The following GOLGA3 variants were observed in gnomAD, a reference collection of about 807,000 sequenced individuals.
GOLGA3 encodes the protein golgin subfamily A member 3.
Under a neutral mutation model 169.4 loss-of-function variants are expected in GOLGA3, and 75 were observed. That is an observed-to-expected ratio of 0.44 (90% CI 0.37 to 0.54). The LOEUF is 0.54. Ranked by LOEUF, GOLGA3 falls within the 20% of genes least tolerant of loss-of-function variation. GOLGA3 has a pLI of 0.00. For missense variants in GOLGA3, 1,899 were observed against 1,930.0 expected (o/e 0.98, Z 0.30); for synonymous variants, 824 against 822.4 (o/e 1.00, Z -0.03).
At chr12:132,822,465 T>C (rs573555822) in intron 1 of GOLGA3, among the ~76,000 whole-genome samples, 154 bp from the exon 2 acceptor site, 3 of 152,330 alleles carry the variant, frequency 2.0e-5, no homozygotes, top group African/African-American at 7.2e-5. Context: ...CACAACATCC[T>C]AGGTTTTGAG....
intron 11 of GOLGA3, among the ~76,000 whole-genome samples, chr12:132,794,948 G>C (rs1440741909): frequency 2.0e-5 from 3 of 152,220 alleles, no homozygotes; most frequent in African/African-American, 4.8e-5. Context: ...CAACACTTCG[G>C]GAGGCCGAGG....
At chr12:132,787,615 ACCCCGGG>A (rs1276986614) in intron 13 of GOLGA3, among the ~76,000 whole-genome samples, 13 of 89,068 alleles carry the variant, frequency 1.5e-4, no homozygotes, top group South Asian at 5.2e-4. Context: ...TTCCCCGGAG[ACCCCGGG>A]ACCCCTCCCC....
chr12:132,783,978 G>T, intron 16 of GOLGA3, 186 bp downstream of exon 16: 1 of 1,483,376 alleles, frequency 6.7e-7, no homozygotes, highest in African/African-American at 1.4e-5. Context: ...ATCCTCCCCA[G>T]AGGGCTGGAA....
rs780749139 is a variant in GOLGA3 at position 132,775,198 on chromosome 12, G to T, written c.4086C>A (p.Thr1362=). The T allele has an allele frequency of 1.2e-6, 2 of 1,614,154 alleles. No individual in the cohort carries two copies. Among genetic ancestry groups the T allele is most frequent in the South Asian group, 1.1e-5 (1 of 91,084 alleles). The stretch of plus-strand genomic sequence containing the variant: ...TGAGCTGCTGGTTCTGCTGGAGCAG[G>T]GTCTTCATGTTGTTCTTCAGCTCCG... The part of the protein sequence containing the change: ...KVSELKNNMK[T]LLQQNQQLKL... Residue 1362 remains threonine (T), a synonymous_variant, in exon 22 of 24, where the codon ACC becomes ACA. Coordinates refer to ENST00000450791, the MANE Select transcript of GOLGA3 (RefSeq NM_001389683.1).
At chr12:132,822,646 C>T (rs551135219) in intron 1 of GOLGA3, among the ~76,000 whole-genome samples, 2 of 152,282 alleles carry the variant, frequency 1.3e-5, no homozygotes, top group African/African-American at 2.4e-5. Flanking sequence ...TTGGGCCAGG[C>T]GCGGTGGCTC....
intron 15 of GOLGA3, among the ~76,000 whole-genome samples, chr12:132,786,109 A>C (rs1380968990): frequency 1.3e-5 from 2 of 152,240 alleles, no homozygotes; most frequent in African/African-American, 4.8e-5. Flanking sequence ...GAGGAAAATC[A>C]GGTGAACGCC....
intron 1 of GOLGA3, chr12:132,826,259 G>GAAACT: frequency 2.2e-6 from 2 of 891,696 alleles, no homozygotes; most frequent in Non-Finnish European, 1.6e-6. Flanking sequence ...AAAAAAAAAA[G>GAAACT]AAACTGGAAG....
At chr12:132,815,974 A>AGC (rs1433950493) in intron 3 of GOLGA3, among the ~76,000 whole-genome samples, 3 of 152,258 alleles carry the variant, frequency 2.0e-5, no homozygotes, top group Non-Finnish European at 4.4e-5. Flanking sequence ...CAAGGCAGGC[A>AGC]GACCATGAGG....
In GOLGA3 at chr12:132,775,227, C is replaced by T; in HGVS notation, c.4057G>A (p.Val1353Met). Residue 1353 changes from valine to methionine, a missense_variant, in exon 22 of 24, where the codon GTG (valine) becomes ATG (methionine). Transcript: ENST00000450791. ...TTCATGTTGTTCTTCAGCTCCGACA[C>T]TTTTGCCTGGAGCATAAATTTATCC... ...QKDKFMLQAK[V>M]SELKNNMKTL... 1 of 1,613,970 alleles carries T rather than the reference C, an allele frequency of 6.2e-7. No individual in the cohort carries two copies. The highest frequency in any genetic ancestry group is 8.5e-7 in the Non-Finnish European group (1 of 1,179,772).
chr12:132,790,484 A>G (rs2046169859), intron 12 of GOLGA3, among the ~76,000 whole-genome samples: 1 of 152,258 alleles, frequency 6.6e-6, no homozygotes, highest in African/African-American at 2.4e-5. Context: ...TACTGGCTTC[A>G]CTGACACAAA....
At chr12:132,779,304 C>T (rs2045419315) in intron 18 of GOLGA3, among the ~76,000 whole-genome samples, 2 of 152,140 alleles carry the variant, frequency 1.3e-5, no homozygotes, top group Non-Finnish European at 2.9e-5. Flanking sequence ...GTCTTGAACT[C>T]CCGACCTCAG....
intron 12 of GOLGA3, among the ~76,000 whole-genome samples, chr12:132,789,900 G>T (rs573609238): frequency 5.3e-4 from 81 of 152,282 alleles, no homozygotes; most frequent in Admixed American, 9.8e-4. Flanking sequence ...AGGCGTGGTG[G>T]TGCATGCTTG....
chr12:132,790,971 A>C (rs1248885536), intron 12 of GOLGA3, among the ~76,000 whole-genome samples: 2 of 141,868 alleles, frequency 1.4e-5, no homozygotes, highest in Non-Finnish European at 3.0e-5. Context: ...GAATAGCTTG[A>C]ACCCGGGAGG....
At chr12:132,783,960 G>A (rs545944775) in intron 16 of GOLGA3, 6 of 1,463,012 alleles carry the variant, frequency 4.1e-6, no homozygotes, top group East Asian at 5.0e-5. Flanking sequence ...CAAAGAGGCT[G>A]TACAGTGATC....
chr12:132,807,432 G>A (rs545067757), intron 5 of GOLGA3, 144 bp from the exon 6 acceptor site: 11 of 535,770 alleles, frequency 2.1e-5, no homozygotes, highest in Non-Finnish European at 3.3e-5. Context: ...GAGAGCTGAG[G>A]CTTGCATGAT....
In GOLGA3 at chr12:132,777,784, C is replaced by T; in HGVS notation, c.3604G>A (p.Ala1202Thr). The change falls in exon 19 of 24, where the codon GCC becomes ACC. Residue 1202 changes from alanine to threonine, a missense_variant. By Grantham distance (58) the Ala-to-Thr change is moderately conservative. Transcript: ENST00000450791. This position sits in a 1 kb window ranked among gnomAD's most constrained non-coding sequence, Gnocchi z 4.7. ...TTGAAGTGGCGGCGGTTATGCCCGG[C>T]TTCCACCTTGGCAGCAGCCACCTAG... is the stretch of plus-strand genomic sequence containing the variant. ...KEQVAAAKVE[A>T]GHNRRHFKAA... 6.2e-7 allele frequency: 1 copy of T among 1,613,602 alleles called. No homozygotes were observed. Among genetic ancestry groups the T allele is most frequent in the Admixed American group, 1.7e-5 (1 of 59,998 alleles).
intron 3 of GOLGA3, among the ~76,000 whole-genome samples, chr12:132,815,562 G>A (rs982758367): frequency 2.0e-5 from 3 of 152,158 alleles, no homozygotes; most frequent in Admixed American, 6.5e-5. Flanking sequence ...AGTAATTTAG[G>A]GTTTTTTGTT....
At chr12:132,802,163 G>A (rs1295005853) in intron 7 of GOLGA3, among the ~76,000 whole-genome samples, 194 bp from the exon 8 acceptor site, 2 of 152,270 alleles carry the variant, frequency 1.3e-5, no homozygotes, top group African/African-American at 4.8e-5. Context: ...GCCGCTCCTG[G>A]CAGAAATGCA....
chr12:132,816,252 C>T (rs529422021), intron 3 of GOLGA3, among the ~76,000 whole-genome samples: 5 of 152,368 alleles, frequency 3.3e-5, no homozygotes, highest in Admixed American at 2.0e-4. Context: ...TGCCCACCGT[C>T]TGCTTACCAA....
Sources: allele counts gnomAD v4.1 joint callset (sites outside exome capture counted in the v4.1 genomes callset), GRCh38; gene constraint gnomAD v4.1.1; non-coding constraint Gnocchi (gnomAD v3.1); transcripts MANE v1.5; gene names NCBI Gene and HGNC (gene_info 2026-07-23, HGNC 2026-07-21).